The following CTNNA3 variants were observed in gnomAD, a reference collection of about 807,000 sequenced individuals.
CTNNA3 encodes the protein catenin alpha 3.
Under a neutral mutation model 95.7 loss-of-function variants are expected in CTNNA3, and 76 were observed. That is an observed-to-expected ratio of 0.79 (90% CI 0.66 to 0.96). CTNNA3 has a LOEUF of 0.96. Among genes scored for constraint, CTNNA3 ranks in the 40% least tolerant of loss-of-function variants. The pLI is 0.00. For missense variants in CTNNA3, 1,191 were observed against 1,089.8 expected, an observed-to-expected ratio of 1.09 and a Z score of -1.31; for synonymous variants, 431 against 374.4, an observed-to-expected ratio of 1.15 and a Z score of -1.74.
At chr10:67,683,087 A>G (rs1840658167) in intron 1 of CTNNA3, among the ~76,000 whole-genome samples, 1 of 152,246 alleles carries the variant, frequency 6.6e-6, no homozygotes, top group Non-Finnish European at 1.5e-5. Context: ...ATAGGCAACC[A>G]ACAGTGTCTA....
intron 5 of CTNNA3, among the ~76,000 whole-genome samples, chr10:67,516,084 T>A (rs1452090068): frequency 6.6e-6 from 1 of 152,200 alleles, no homozygotes; most frequent in Non-Finnish European, 1.5e-5. Context: ...TGCCTCAGCC[T>A]CCCGAGTAGC....
At chr10:66,133,575 A>C (rs1443621165) in intron 13 of CTNNA3, among the ~76,000 whole-genome samples, 1 of 152,106 alleles carries the variant, frequency 6.6e-6, no homozygotes, top group East Asian at 1.9e-4. Context: ...AAAGCGAGAA[A>C]GCATCTAAGA....
chr10:67,301,437 C>T (rs1472975886), intron 5 of CTNNA3, among the ~76,000 whole-genome samples: 2 of 152,130 alleles, frequency 1.3e-5, no homozygotes, highest in African/African-American at 4.8e-5. Context: ...TAGAAAACAG[C>T]ATGGAGAGTC....
chr10:66,417,988 G>A (rs1281315105), intron 11 of CTNNA3, among the ~76,000 whole-genome samples: 1 of 151,218 alleles, frequency 6.6e-6, no homozygotes, highest in Non-Finnish European at 1.5e-5. Context: ...CCAAACATTA[G>A]CAGGAGGCAA....
chr10:66,039,825 G>T (rs1271697481), intron 15 of CTNNA3, among the ~76,000 whole-genome samples: 1 of 152,146 alleles, frequency 6.6e-6, no homozygotes, highest in Non-Finnish European at 1.5e-5. Context: ...AACGGGCAAA[G>T]ATTTCATGAT....
At chr10:67,590,359 A>T (rs951158870) in intron 3 of CTNNA3, among the ~76,000 whole-genome samples, 2 of 152,100 alleles carry the variant, frequency 1.3e-5, no homozygotes, top group Non-Finnish European at 2.9e-5. Flanking sequence ...TACCTATCTT[A>T]AAAAAGTCTA....
Position 66,018,468 on chromosome 10 carries a change from T to C in CTNNA3, c.2160-29671A>G, listed in dbSNP as rs553021617. 3.0e-4 allele frequency among the ~76,000 whole-genome samples: 46 copies of C among 152,218 alleles called. 1 individual carries two copies. Among genetic ancestry groups the C allele is most frequent in the Non-Finnish European group, 5.0e-4 (34 of 67,954 alleles). On this transcript the variant is annotated intron_variant, in intron 15 of 17. Coordinates refer to ENST00000433211, the MANE Select transcript of CTNNA3 (RefSeq NM_013266.4). The stretch of plus-strand genomic sequence containing the variant: ...TGAGAAAAATAATGTCACCCTCAGA[T>C]AAACATCCAGATGGTTTTACAAGCA...
intron 7 of CTNNA3, among the ~76,000 whole-genome samples, chr10:66,875,866 G>A (rs189152459): frequency 1.4e-3 from 214 of 152,246 alleles, no homozygotes; most frequent in African/African-American, 5.0e-3. Context: ...AGTCCTTAAA[G>A]CATAAGAGCA....
chr10:66,598,915 C>T (rs558034779), intron 10 of CTNNA3, among the ~76,000 whole-genome samples: 3 of 151,926 alleles, frequency 2.0e-5, no homozygotes, highest in African/African-American at 7.2e-5. Context: ...TATGGAACCA[C>T]AAAATACACC....
At chr10:66,734,152 A>T (rs201634112) in intron 9 of CTNNA3, among the ~76,000 whole-genome samples, 1 of 34,962 alleles carries the variant, frequency 2.9e-5, no homozygotes, top group Non-Finnish European at 5.3e-5. Context: ...ATCATTCCTT[A>T]AAAAAAAATA....
intron 10 of CTNNA3, among the ~76,000 whole-genome samples, chr10:66,568,411 T>A (rs1220631464): frequency 2.0e-5 from 3 of 152,196 alleles, no homozygotes; most frequent in South Asian, 2.1e-4. Flanking sequence ...TTTCAATGTA[T>A]GAGTTATATC....
At chr10:67,170,390 T>C (rs1861966278) in intron 7 of CTNNA3, among the ~76,000 whole-genome samples, 1 of 152,140 alleles carries the variant, frequency 6.6e-6, no homozygotes, top group Non-Finnish European at 1.5e-5. Context: ...ATGACAGATT[T>C]GATGAAGAAA....
At chr10:67,246,981 C>G (rs888229698) in intron 5 of CTNNA3, among the ~76,000 whole-genome samples, 3 of 152,148 alleles carry the variant, frequency 2.0e-5, no homozygotes, top group Non-Finnish European at 4.4e-5. Context: ...GTAAGGAATG[C>G]ATACTCAGAG....
At chr10:67,620,321 G>A (rs1843785892) in intron 2 of CTNNA3, among the ~76,000 whole-genome samples, 1 of 152,234 alleles carries the variant, frequency 6.6e-6, no homozygotes, top group Middle Eastern at 3.4e-3. Context: ...AGTCCAGAGA[G>A]CATTCCAGAC....
At chr10:65,992,519 A>G (rs948570916) in intron 15 of CTNNA3, among the ~76,000 whole-genome samples, 19 of 151,342 alleles carry the variant, frequency 1.3e-4, no homozygotes, top group African/African-American at 4.6e-4. Context: ...TATGTCTTCC[A>G]GTTTGTAAAT....
intron 13 of CTNNA3, among the ~76,000 whole-genome samples, chr10:66,183,518 A>C (rs1268995840): frequency 2.6e-5 from 4 of 152,220 alleles, no homozygotes; most frequent in Non-Finnish European, 4.4e-5. Flanking sequence ...CCACTTTTTA[A>C]GTGCTATGGA....
At chr10:66,092,033 G>T (rs1457236976) in intron 14 of CTNNA3, among the ~76,000 whole-genome samples, 1 of 151,746 alleles carries the variant, frequency 6.6e-6, no homozygotes, top group East Asian at 1.9e-4. Context: ...GCTCAATTCA[G>T]TCTCCTCTGT....
chr10:66,853,110 C>T (rs1288081341), intron 7 of CTNNA3, among the ~76,000 whole-genome samples: 1 of 152,070 alleles, frequency 6.6e-6, no homozygotes, highest in Non-Finnish European at 1.5e-5. Flanking sequence ...TAAAAATATA[C>T]TATTTTATGA....
At chr10:67,160,848 AT>A (rs1169139966) in intron 7 of CTNNA3, among the ~76,000 whole-genome samples, 1 of 152,200 alleles carries the variant, frequency 6.6e-6, no homozygotes, top group Non-Finnish European at 1.5e-5. Context: ...ATTATTCTGT[AT>A]TGAAAAACAA....
Sources: allele counts gnomAD v4.1 joint callset (sites outside exome capture counted in the v4.1 genomes callset), GRCh38; gene constraint gnomAD v4.1.1; transcripts MANE v1.5; gene names NCBI Gene and HGNC (gene_info 2026-07-23, HGNC 2026-07-21).